The following NSD1 variants were observed in gnomAD, a reference collection of about 807,000 sequenced individuals.
NSD1 encodes histone-lysine N-methyltransferase, H3 lysine-36 specific.
NSD1 carries 26 observed loss-of-function variants against 242.7 expected under a neutral mutation model. The ratio of observed to expected loss-of-function variants is 0.11; its 90% CI spans 0.08 to 0.15. NSD1 has a LOEUF of 0.15. Ranked by LOEUF, NSD1 falls within the 10% of genes least tolerant of loss-of-function variation. The probability of loss-of-function intolerance (pLI) is 1.00; values close to 1 mark genes in which losing one functional copy is unlikely to be tolerated. For missense variants in NSD1, 2,495 were observed against 3,272.8 expected (o/e 0.76, Z 5.80); for synonymous variants, 1,106 against 1,178.1 (o/e 0.94, Z 1.25).
At chr5:177,252,539 CTTTT>C (rs70991600) in intron 12 of NSD1, among the ~76,000 whole-genome samples, 64 of 47,420 alleles carry the variant, frequency 1.3e-3, no homozygotes, top group East Asian at 6.7e-3. Flanking sequence ...GTAAAGTGTT[CTTTT>C]TTTTTTTTTT....
At chr5:177,272,703 A>T (rs1758040516) in intron 16 of NSD1, among the ~76,000 whole-genome samples, 1 of 152,164 alleles carries the variant, frequency 6.6e-6, no homozygotes, top group Admixed American at 6.5e-5. Context: ...CAGACTGGGC[A>T]ACATGGCAAA....
At chr5:177,259,657 A>G (rs1470890035) in intron 13 of NSD1, among the ~76,000 whole-genome samples, 1 of 152,198 alleles carries the variant, frequency 6.6e-6, no homozygotes, top group Non-Finnish European at 1.5e-5. Context: ...AGAATCACAG[A>G]GTTCCAGGCA....
rs1760469993 is a variant in NSD1, at chr5:177,299,690, A to G, written c.*4231A>G. ...TTTCTGCTTATGTGGTTCCTTCTCTAGAGCTGCTTTCCCATGGCTTTCAAA... is the reference window on the plus strand; with the variant it reads ...TTTCTGCTTATGTGGTTCCTTCTCTGGAGCTGCTTTCCCATGGCTTTCAAA... On this transcript the variant is annotated 3_prime_UTR_variant, in exon 23 of 23. Transcript: ENST00000439151. 1 of 233,232 alleles carries G rather than the reference A, an allele frequency of 4.3e-6. No individual in the cohort carries two copies. Among genetic ancestry groups the G allele is most frequent in the South Asian group, 1.8e-4 (1 of 5,528 alleles). 14.4% of individuals were successfully genotyped at this position (233,232 alleles called of 1,614,324 possible). A position where few individuals can be genotyped will look rare whatever the true frequency, so the allele number is the denominator to read the frequency against.
At chr5:177,190,300 G>C (rs1017244929) in intron 2 of NSD1, among the ~76,000 whole-genome samples, 4 of 151,882 alleles carry the variant, frequency 2.6e-5, no homozygotes. Flanking sequence ...TTACTTTTGA[G>C]GCAGAGTCTA....
In NSD1 at chr5:177,296,266, C is replaced by T. The variant is rs1450500753; in HGVS notation, c.*807C>T. 2.1e-5 allele frequency: 5 copies of T among 233,528 alleles called. No individual in the cohort carries two copies. Among genetic ancestry groups the T allele is most frequent in the Non-Finnish European group, 4.2e-5 (5 of 118,272 alleles). 14.5% of individuals were successfully genotyped at this position (233,528 alleles called of 1,614,324 possible). A position where few individuals can be genotyped will look rare whatever the true frequency, so the allele number is the denominator to read the frequency against. On this transcript the variant is annotated 3_prime_UTR_variant, in exon 23 of 23. Transcript: ENST00000439151. Reference sequence around the variant, plus strand: ...GTCTCAAGATCAGTCCTTGGAGGAGCAGGTGGTCAGGGGCAGTCGGGCTCT... The same window carrying T: ...GTCTCAAGATCAGTCCTTGGAGGAGTAGGTGGTCAGGGGCAGTCGGGCTCT...
At position 177,185,041 on chromosome 5, in the gene NSD1, C is replaced by A. The variant is rs571426675; in HGVS notation, c.928-6843C>A. 7.9e-5 allele frequency among the ~76,000 whole-genome samples: 12 copies of A among 152,194 alleles called. No homozygotes were observed. In the East Asian group the frequency reaches 1.9e-3, roughly 25 times the overall value. On this transcript the variant is annotated intron_variant, in intron 2 of 22. Transcript: ENST00000439151. ...TTAATATTATGGGAGTTTTTGGTAA[C>A]TAAAACAATAACTGAGTCCTTAGAG...
intron 18 of NSD1, among the ~76,000 whole-genome samples, chr5:177,281,884 C>T (rs1029959575): frequency 1.3e-5 from 2 of 152,142 alleles, no homozygotes; most frequent in African/African-American, 4.8e-5. Context: ...AACTCCTGGG[C>T]TCAAATTATC....
intron 14 of NSD1, among the ~76,000 whole-genome samples, chr5:177,261,160 C>A (rs894782655): frequency 9.2e-5 from 14 of 152,050 alleles, no homozygotes; most frequent in African/African-American, 3.1e-4. Flanking sequence ...ATCCCTCCCC[C>A]ACCGGTTCAA....
At chr5:177,204,357 C>T (rs1471733670) in intron 4 of NSD1, 65 bp downstream of exon 4, 2 of 1,451,246 alleles carry the variant, frequency 1.4e-6, no homozygotes, top group Non-Finnish European at 1.9e-6. Context: ...AGAAAATGGC[C>T]TCTTATTTAT....
chr5:177,184,551 C>A (rs1228900265), intron 2 of NSD1, among the ~76,000 whole-genome samples: 2 of 151,806 alleles, frequency 1.3e-5, no homozygotes, highest in Non-Finnish European at 2.9e-5. Flanking sequence ...CTCTTGGAGA[C>A]AGGGTCTCAC....
intron 6 of NSD1, 129 bp downstream of exon 6, chr5:177,236,074 C>T: frequency 2.1e-6 from 2 of 959,482 alleles, no homozygotes; most frequent in Admixed American, 3.8e-5. Flanking sequence ...TTCTCAGCTT[C>T]TAGCACAGTA....
intron 13 of NSD1, among the ~76,000 whole-genome samples, chr5:177,258,018 T>A (rs1320949350): frequency 5.5e-5 from 8 of 144,820 alleles, no homozygotes; most frequent in African/African-American, 2.0e-4. Context: ...TTCGCTTTTG[T>A]TGCCTGGGCT....
intron 5 of NSD1, among the ~76,000 whole-genome samples, chr5:177,215,038 A>G (rs1275112976): frequency 6.6e-6 from 1 of 151,976 alleles, no homozygotes; most frequent in Non-Finnish European, 1.5e-5. Flanking sequence ...ATTCCAACAT[A>G]CTTTTTCTTT....
chr5:177,163,681 T>TG (rs1036925704), intron 2 of NSD1, among the ~76,000 whole-genome samples: 1 of 152,180 alleles, frequency 6.6e-6, no homozygotes, highest in Non-Finnish European at 1.5e-5. Flanking sequence ...CGGTGCCACA[T>TG]GCCAGGCAGC....
chr5:177,221,146 T>TACAG (rs1339584062), intron 5 of NSD1: 2 of 382,946 alleles, frequency 5.2e-6, no homozygotes, highest in East Asian at 1.8e-4. Flanking sequence ...GTGCAGGGAT[T>TACAG]ACAGGTGTGA....
intron 2 of NSD1, among the ~76,000 whole-genome samples, chr5:177,162,055 T>C (rs1758800335): frequency 6.6e-6 from 1 of 152,018 alleles, no homozygotes; most frequent in African/African-American, 2.4e-5. Context: ...TTCAGCACTT[T>C]GGGAGGCTGA....
At chr5:177,196,685 G>T (rs1278297048) in intron 3 of NSD1, among the ~76,000 whole-genome samples, 2 of 152,148 alleles carry the variant, frequency 1.3e-5, no homozygotes, top group Non-Finnish European at 2.9e-5. Flanking sequence ...GCAAGGCATG[G>T]GTGAGATTTT....
intron 2 of NSD1, among the ~76,000 whole-genome samples, chr5:177,164,480 A>G (rs1759019439): frequency 6.6e-6 from 1 of 152,198 alleles, no homozygotes; most frequent in East Asian, 1.9e-4. Context: ...TCTGTCTAGT[A>G]TGAGGATTTA....
intron 21 of NSD1, among the ~76,000 whole-genome samples, chr5:177,289,867 G>A (rs374256468): frequency 7.5e-5 from 11 of 147,360 alleles, no homozygotes; most frequent in African/African-American, 2.0e-4. Flanking sequence ...TCGCTCTGTT[G>A]CCCAGGCTGG....
Sources: allele counts gnomAD v4.1 joint callset (sites outside exome capture counted in the v4.1 genomes callset), GRCh38; gene constraint gnomAD v4.1.1; transcripts MANE v1.5; gene names NCBI Gene and HGNC (gene_info 2026-07-23, HGNC 2026-07-21).